The following KALRN variants were observed in gnomAD, a reference collection of about 807,000 sequenced individuals.
KALRN encodes the protein kalirin RhoGEF kinase, also known as kalirin.
In KALRN, 70 loss-of-function variants were observed where a neutral mutation model predicts 353.7. That is an observed-to-expected ratio of 0.20 (90% confidence interval 0.16 to 0.24). The LOEUF is 0.24. KALRN is among the 10% of genes least tolerant of loss of function. The probability of loss-of-function intolerance (pLI) is 1.00; values close to 1 mark genes in which losing one functional copy is unlikely to be tolerated. For missense variants in KALRN, 2,791 were observed against 3,756.7 expected, an observed-to-expected ratio of 0.74 and a Z score of 6.72; for synonymous variants, 1,391 against 1,434.8, an observed-to-expected ratio of 0.97 and a Z score of 0.69.
intron 6 of KALRN, 111 bp from the exon 7 acceptor site, chr3:124,325,869 C>G: frequency 1.2e-6 from 1 of 804,862 alleles, no homozygotes; most frequent in Admixed American, 2.2e-5. Context: ...GTACCAGCGT[C>G]TCTCAGACTT....
intron 30 of KALRN, 61 bp from the exon 31 acceptor site, chr3:124,491,262 G>T: frequency 9.3e-7 from 1 of 1,076,918 alleles, no homozygotes; most frequent in African/African-American, 1.6e-5. Flanking sequence ...TCCCACCCCA[G>T]CCCTAAGTTT....
chr3:124,081,741 A>G (rs537230493), intron 1 of KALRN, among the ~76,000 whole-genome samples: 15 of 152,288 alleles, frequency 9.8e-5, no homozygotes, highest in African/African-American at 3.4e-4. Flanking sequence ...TGGGTGACAG[A>G]ATGAGGCCCT....
chr3:124,398,973 A>G (rs2090515591), intron 13 of KALRN, 102 bp downstream of exon 13: 2 of 1,223,062 alleles, frequency 1.6e-6, no homozygotes, highest in Non-Finnish European at 2.2e-6. Flanking sequence ...AAATTAGAGC[A>G]TCCAGCATGC....
chr3:124,673,386 A>C, intron 48 of KALRN, among the ~76,000 whole-genome samples: 1 of 91,630 alleles, frequency 1.1e-5, no homozygotes, highest in Non-Finnish European at 2.1e-5. Flanking sequence ...ACCGTGTCTC[A>C]AAAACAAACA....
intron 15 of KALRN, among the ~76,000 whole-genome samples, chr3:124,428,932 C>T (rs2093152675): frequency 1.3e-5 from 2 of 152,150 alleles, no homozygotes; most frequent in South Asian, 4.1e-4. Flanking sequence ...AGTGGTTTCT[C>T]TGACACCCTC....
At chr3:124,060,383 A>G (rs1429265398) in intron 1 of KALRN, among the ~76,000 whole-genome samples, 1 of 152,196 alleles carries the variant, frequency 6.6e-6, no homozygotes. Context: ...GTGTTAATAT[A>G]TAAAATGCTT....
intron 3 of KALRN, among the ~76,000 whole-genome samples, chr3:124,256,607 C>T (rs896537200): frequency 1.4e-4 from 21 of 152,238 alleles, no homozygotes; most frequent in African/African-American, 4.3e-4. Context: ...TTAGTGAAAA[C>T]GATCAGTTGT....
intron 23 of KALRN, among the ~76,000 whole-genome samples, chr3:124,457,354 GC>G (rs2107608032): frequency 6.6e-6 from 1 of 151,706 alleles, no homozygotes; most frequent in African/African-American, 2.4e-5. Flanking sequence ...ATAGGCATGA[GC>G]CACCACGCCC....
chr3:124,118,228 G>A (rs571286779), intron 1 of KALRN, among the ~76,000 whole-genome samples: 40 of 152,050 alleles, frequency 2.6e-4, no homozygotes, highest in Non-Finnish European at 4.7e-4. Context: ...GGGAGACTAC[G>A]TGGTGGGACT....
At chr3:124,093,852 C>T (rs574991420) in intron 1 of KALRN, among the ~76,000 whole-genome samples, 7 of 152,100 alleles carry the variant, frequency 4.6e-5, no homozygotes, top group South Asian at 4.1e-4. Flanking sequence ...AAAAATTAGG[C>T]GGATTTGGCC....
At chr3:124,321,700 T>A (rs1435276489) in intron 6 of KALRN, among the ~76,000 whole-genome samples, 1 of 152,198 alleles carries the variant, frequency 6.6e-6, no homozygotes, top group Admixed American at 6.5e-5. Flanking sequence ...GGGCAGGGTG[T>A]CAATATACAC....
chr3:124,455,855 C>A (rs769896239), intron 22 of KALRN, among the ~76,000 whole-genome samples: 1 of 152,194 alleles, frequency 6.6e-6, no homozygotes, highest in Non-Finnish European at 1.5e-5. Flanking sequence ...CTTTTAATCT[C>A]TTCTTTATAA....
At chr3:124,397,869 C>T (rs966547846) in intron 12 of KALRN, among the ~76,000 whole-genome samples, 16 of 152,220 alleles carry the variant, frequency 1.1e-4, no homozygotes, top group Non-Finnish European at 1.5e-4. Flanking sequence ...CTAGCCTTTA[C>T]TCTCCTGATC....
chr3:124,500,823 C>T (rs1361644457), intron 33 of KALRN, among the ~76,000 whole-genome samples: 2 of 152,130 alleles, frequency 1.3e-5, no homozygotes, highest in African/African-American at 2.4e-5. Context: ...AAGGTCATTC[C>T]ACTGTAAATA....
chr3:124,178,185 C>A (rs28658382), intron 1 of KALRN, among the ~76,000 whole-genome samples: 2,124 of 152,240 alleles, frequency 0.014, 21 homozygotes, highest in Non-Finnish European at 0.021. Flanking sequence ...TATAGTAGTT[C>A]CCCTTTTCTG....
intron 10 of KALRN, among the ~76,000 whole-genome samples, chr3:124,371,324 C>T (rs1388800307): frequency 6.6e-6 from 1 of 152,086 alleles, no homozygotes; most frequent in Non-Finnish European, 1.5e-5. Flanking sequence ...CTGATGGGCA[C>T]GAAGGTTGAG....
At chr3:124,434,159 A>G in intron 16 of KALRN, 148 bp from the exon 17 acceptor site, 1 of 583,446 alleles carries the variant, frequency 1.7e-6, no homozygotes, top group South Asian at 2.3e-5. Context: ...TTTAAAAATA[A>G]TAATGTATTA....
chr3:124,308,369 T>A lies in KALRN; in HGVS notation c.1092+9456T>A, dbSNP rs1037165004. On this transcript the variant is annotated intron_variant, in intron 6 of 59. Coordinates refer to ENST00000682506, the MANE Select transcript of KALRN (RefSeq NM_001388419.1). ...CTCCATCCAACAATAGCAGACTATA[T>A]AATCTTCTCCAGGACATGAAACATT... Among the ~76,000 whole-genome samples the A allele has an allele frequency of 5.9e-5, 9 of 151,944 alleles. 1 individual carries two copies. Among genetic ancestry groups the A allele is most frequent in the Admixed American group, 3.9e-4 (6 of 15,254 alleles).
rs1024973825 is a variant in KALRN at position 124,446,676 on chromosome 3, C to T, written c.3430-87C>T. The T allele has an allele frequency of 2.6e-6, 4 of 1,524,500 alleles. No homozygotes were observed. The Admixed American group carries it at 7.3e-5, about 28-fold the overall frequency. 94.4% of individuals were successfully genotyped at this position (1,524,500 alleles called of 1,614,324 possible). A position where few individuals can be genotyped will look rare whatever the true frequency, so the allele number is the denominator to read the frequency against. ...GTGTTTCCTGGGTCCATTAAGTTGTCCCAACAATAACCTTCATTGTAGTAT... is the reference window on the plus strand; with the variant it reads ...GTGTTTCCTGGGTCCATTAAGTTGTTCCAACAATAACCTTCATTGTAGTAT... On this transcript the variant is annotated intron_variant, in intron 20 of 59. Transcript: ENST00000682506.
Sources: gnomAD v4.1 joint callset for allele counts (sites outside exome capture counted in the v4.1 genomes callset) on GRCh38, gnomAD v4.1.1 for gene constraint, MANE v1.5 for transcripts, NCBI Gene and HGNC (gene_info 2026-07-23, HGNC 2026-07-21) for gene names.